MDGA2: variants seen among roughly 807,000 people sequenced by gnomAD.
The protein encoded by MDGA2 is MAM domain-containing glycosylphosphatidylinositol anchor protein 2.
In MDGA2, 40 loss-of-function variants were observed where a neutral mutation model predicts 117.8. That is an observed-to-expected ratio of 0.34 (90% confidence interval 0.26 to 0.44). The LOEUF (loss-of-function observed/expected upper bound fraction) is 0.44, where lower values mean the gene tolerates loss of function less well. MDGA2 is among the 20% of genes least tolerant of loss of function. MDGA2 has a pLI of 1.00. For synonymous variants in MDGA2, 452 were observed against 439.0 expected (o/e 1.03, Z -0.37); for missense variants, 1,123 against 1,250.6 (o/e 0.90, Z 1.54).
chr14:46,997,877 A>T (rs1887354275), intron 8 of MDGA2, among the ~76,000 whole-genome samples: 1 of 152,204 alleles, frequency 6.6e-6, no homozygotes, highest in Non-Finnish European at 1.5e-5. Context: ...TATAATGGGA[A>T]GGAAGTAGAG....
chr14:47,046,571 G>C (rs1405485269), intron 7 of MDGA2, among the ~76,000 whole-genome samples: 1 of 151,138 alleles, frequency 6.6e-6, no homozygotes, highest in Admixed American at 6.6e-5. Flanking sequence ...TGCATGTTGT[G>C]CACATGTACC....
In MDGA2 at chr14:46,920,034, G is replaced by A. The variant is rs1884064962; in HGVS notation, c.2216C>T (p.Ala739Val). 1.3e-6 allele frequency: 2 copies of A among 1,585,168 alleles called. No individual in the cohort carries two copies. Among genetic ancestry groups the A allele is most frequent in the Admixed American group, 1.8e-5 (1 of 54,318 alleles). ...MNPDAVDRIV[A>V]YRLGIRQAGQ... Reference sequence around the variant, plus strand: ...CACCTGCCTGATGCCCAACCGGTATGCAACAATCCGATCCACTGCATCAGG... The same window carrying A: ...CACCTGCCTGATGCCCAACCGGTATACAACAATCCGATCCACTGCATCAGG... The change falls in exon 10 of 17, where the codon GCA becomes GTA. Residue 739 changes from alanine to valine, a missense_variant. Ala to Val is a moderately conservative substitution (Grantham distance 64). This residue lies in a region of MDGA2 where 890 missense variants were observed against 1,050.3 expected (regional missense o/e 0.85). Transcript: ENST00000399232.
chr14:47,125,598 A>T (rs1881862918), intron 5 of MDGA2, among the ~76,000 whole-genome samples: 1 of 152,094 alleles, frequency 6.6e-6, no homozygotes, highest in Admixed American at 6.6e-5. Flanking sequence ...GAGAAAGGAA[A>T]AAAAATTGAA....
At chr14:47,535,092 C>T (rs776309219) in intron 1 of MDGA2, among the ~76,000 whole-genome samples, 3 of 152,092 alleles carry the variant, frequency 2.0e-5, no homozygotes, top group South Asian at 2.1e-4. Context: ...TATTTGTCAA[C>T]GTTAGGATTT....
intron 1 of MDGA2, among the ~76,000 whole-genome samples, chr14:47,530,268 T>C (rs1485923648): frequency 6.6e-6 from 1 of 152,192 alleles, no homozygotes; most frequent in East Asian, 1.9e-4. Flanking sequence ...TCTTTAGGGT[T>C]AAGGCATACT....
At chr14:47,206,241 C>T (rs1380829748) in intron 3 of MDGA2, among the ~76,000 whole-genome samples, 1 of 151,986 alleles carries the variant, frequency 6.6e-6, no homozygotes, top group East Asian at 1.9e-4. Context: ...TATAAGAACA[C>T]AATGTTTAAG....
chr14:47,543,907 T>G (rs1895404083), intron 1 of MDGA2, among the ~76,000 whole-genome samples: 1 of 152,294 alleles, frequency 6.6e-6, no homozygotes, highest in Non-Finnish European at 1.5e-5. Flanking sequence ...CCAAAATATG[T>G]AACATAGAAA....
intron 5 of MDGA2, among the ~76,000 whole-genome samples, chr14:47,103,646 ATT>A (rs1238291727): frequency 6.6e-6 from 1 of 152,260 alleles, no homozygotes; most frequent in Admixed American, 6.5e-5. Flanking sequence ...CAGGACAGAC[ATT>A]TATGGAAATG....
chr14:47,335,938 G>A (rs1259795999), intron 1 of MDGA2, among the ~76,000 whole-genome samples: 1 of 151,178 alleles, frequency 6.6e-6, no homozygotes, highest in Non-Finnish European at 1.5e-5. Context: ...AGTGAAGACA[G>A]AAAAATGATG....
At chr14:46,944,657 T>C (rs1175727447) in intron 9 of MDGA2, among the ~76,000 whole-genome samples, 2 of 151,976 alleles carry the variant, frequency 1.3e-5, no homozygotes, top group African/African-American at 4.8e-5. Context: ...ATCTATCAGG[T>C]TGTATCAGCT....
chr14:47,292,307 G>A (rs186414562), intron 2 of MDGA2, among the ~76,000 whole-genome samples: 3 of 152,110 alleles, frequency 2.0e-5, no homozygotes, highest in Non-Finnish European at 2.9e-5. Context: ...ATTCCACTAG[G>A]TCTTTTCTAC....
chr14:47,475,877 C>T (rs1242371913), intron 1 of MDGA2, among the ~76,000 whole-genome samples: 1 of 152,136 alleles, frequency 6.6e-6, no homozygotes, highest in Non-Finnish European at 1.5e-5. Context: ...GACTTAATAC[C>T]TAGGTGATGG....
intron 1 of MDGA2, among the ~76,000 whole-genome samples, chr14:47,339,897 T>A (rs1376178416): frequency 6.6e-6 from 1 of 152,172 alleles, no homozygotes; most frequent in Non-Finnish European, 1.5e-5. Context: ...CATTATATAA[T>A]CATGAGTTTG....
intron 9 of MDGA2, among the ~76,000 whole-genome samples, chr14:46,949,411 C>T (rs1325017994): frequency 2.0e-5 from 3 of 151,894 alleles, no homozygotes; most frequent in Admixed American, 6.6e-5. Context: ...GGCTATATTG[C>T]ATAATGCTGA....
chr14:46,847,642 T>C (rs951001394), intron 15 of MDGA2, among the ~76,000 whole-genome samples: 6 of 151,902 alleles, frequency 3.9e-5, no homozygotes, highest in Non-Finnish European at 8.8e-5. Context: ...GGTATGAACA[T>C]TTGAGAGAAT....
At chr14:47,232,056 A>T (rs925043436) in intron 2 of MDGA2, among the ~76,000 whole-genome samples, 1 of 152,048 alleles carries the variant, frequency 6.6e-6, no homozygotes, top group Non-Finnish European at 1.5e-5. Context: ...TCCACTTTTG[A>T]CTAGAAAGTC....
chr14:47,536,773 C>T (rs117295248), intron 1 of MDGA2, among the ~76,000 whole-genome samples: 71 of 152,264 alleles, frequency 4.7e-4, no homozygotes, highest in Non-Finnish European at 9.1e-4. Flanking sequence ...TTCCCCTTTG[C>T]CCTGATAAAT....
intron 1 of MDGA2, among the ~76,000 whole-genome samples, chr14:47,407,920 C>T (rs1892291804): frequency 1.3e-5 from 2 of 152,024 alleles, no homozygotes; most frequent in Admixed American, 1.3e-4. Context: ...ACAAATAACA[C>T]ATGTAGTAGG....
intron 12 of MDGA2, among the ~76,000 whole-genome samples, 194 bp downstream of exon 12, chr14:46,877,295 G>T (rs1325017092): frequency 6.6e-6 from 1 of 151,468 alleles, no homozygotes; most frequent in Non-Finnish European, 1.5e-5. Flanking sequence ...TCAATTATCA[G>T]TATTAAAAAA....
Sources: gnomAD v4.1 joint callset for allele counts (sites outside exome capture counted in the v4.1 genomes callset) on GRCh38, gnomAD v4.1.1 for gene constraint, gnomAD v4.1.1 regional missense constraint, MANE v1.5 for transcripts, NCBI Gene and HGNC (gene_info 2026-07-23, HGNC 2026-07-21) for gene names.